HDAC8: variants seen among roughly 807,000 people sequenced by gnomAD.
HDAC8 encodes the protein histone deacetylase-like 1.
In HDAC8, 1 loss-of-function variant was observed where a neutral mutation model predicts 32.2. The observed-to-expected ratio is 0.03, with a 90% CI of 0.01 to 0.15. The LOEUF (loss-of-function observed/expected upper bound fraction) is 0.15. Ranked by LOEUF, HDAC8 falls within the 10% of genes least tolerant of loss-of-function variation. HDAC8 has a pLI of 1.00. For synonymous variants in HDAC8, 108 were observed against 113.9 expected (o/e 0.95, Z 0.33); for missense variants, 117 against 300.0 (o/e 0.39, Z 4.51).
chrX:72,429,791 G>A (rs2046760277), intron 9 of HDAC8, among the ~76,000 whole-genome samples: 1 of 111,975 alleles, frequency 8.9e-6, no homozygotes. Flanking sequence ...GGCAAAAGAG[G>A]CTTATCTAGC....
At chrX:72,473,671 C>A in intron 7 of HDAC8, 1 of 753,581 alleles carries the variant, frequency 1.3e-6, no homozygotes, top group Non-Finnish European at 1.6e-6. Context: ...TATCTGCTTC[C>A]ATGACTTACT....
chrX:72,350,377 G>T (rs782607552), intron 10 of HDAC8, among the ~76,000 whole-genome samples: 53 of 111,815 alleles, frequency 4.7e-4, no homozygotes, highest in African/African-American at 1.7e-3. Context: ...CATTTACTGG[G>T]CTCTGCTAGT....
chrX:72,569,057 C>A (rs947330286), intron 2 of HDAC8, among the ~76,000 whole-genome samples, 173 bp from the exon 3 acceptor site: 2 of 112,150 alleles, frequency 1.8e-5, no homozygotes, highest in Non-Finnish European at 3.8e-5. Flanking sequence ...GTCTTCACTG[C>A]CTCACATCTA....
At chrX:72,387,585 C>A (rs1009961125) in intron 9 of HDAC8, among the ~76,000 whole-genome samples, 2 of 111,640 alleles carry the variant, frequency 1.8e-5, no homozygotes, top group Non-Finnish European at 3.8e-5. Context: ...TGAATCCTAG[C>A]CCTGCCACTT....
intron 4 of HDAC8, among the ~76,000 whole-genome samples, chrX:72,542,231 G>A (rs1199466763): frequency 8.9e-6 from 1 of 112,240 alleles, no homozygotes; most frequent in African/African-American, 3.2e-5. Flanking sequence ...CTTTATCAGT[G>A]AGAATGGGTA....
intron 9 of HDAC8, among the ~76,000 whole-genome samples, chrX:72,457,979 G>A (rs2047764270): frequency 9.0e-6 from 1 of 111,066 alleles, no homozygotes; most frequent in Non-Finnish European, 1.9e-5. Flanking sequence ...CCTATGTGAT[G>A]ATACACATAT....
chrX:72,500,862 T>C (rs2049190315), intron 4 of HDAC8, among the ~76,000 whole-genome samples: 1 of 111,886 alleles, frequency 8.9e-6, no homozygotes, highest in Admixed American at 9.4e-5. Flanking sequence ...GTTCTATATC[T>C]AGAAAACCTC....
chrX:72,462,190 A>C, intron 8 of HDAC8, 92 bp from the exon 9 acceptor site: 1 of 687,815 alleles, frequency 1.5e-6, no homozygotes, highest in Non-Finnish European at 2.2e-6. Flanking sequence ...AAAATGTTTT[A>C]AGAAAAGACA....
intron 9 of HDAC8, among the ~76,000 whole-genome samples, chrX:72,416,408 G>GTTTTTTTTTGTTTTTTTTTTTTT (rs2046336403): frequency 2.7e-4 from 1 of 3,686 alleles, no homozygotes; most frequent in Non-Finnish European, 8.5e-4. Flanking sequence ...TGTCTTCTCT[G>GTTTTTTTTTGTTTTTTTTTTTTT]TTTTTTTTTT....
At chrX:72,502,934 T>A (rs999960623) in intron 4 of HDAC8, among the ~76,000 whole-genome samples, 6 of 111,125 alleles carry the variant, frequency 5.4e-5, no homozygotes, top group Non-Finnish European at 1.1e-4. Flanking sequence ...TCAAAAAAAA[T>A]AAATAAATAA....
intron 9 of HDAC8, among the ~76,000 whole-genome samples, chrX:72,355,453 T>C (rs1362838564): frequency 9.0e-6 from 1 of 111,650 alleles, no homozygotes; most frequent in Non-Finnish European, 1.9e-5. Flanking sequence ...TTCTTTTGCT[T>C]TCTGGGCTTC....
At chrX:72,560,674 T>A (rs1234576891) in intron 4 of HDAC8, among the ~76,000 whole-genome samples, 1 of 109,750 alleles carries the variant, frequency 9.1e-6, no homozygotes, top group Admixed American at 9.7e-5. Context: ...AATGATGTTA[T>A]CTATAGGTTC....
intron 7 of HDAC8, among the ~76,000 whole-genome samples, chrX:72,466,181 A>T (rs1467492052): frequency 9.0e-6 from 1 of 111,353 alleles, no homozygotes; most frequent in African/African-American, 3.3e-5. Context: ...AAAGGTTTCT[A>T]GCTTAAGGAG....
At chrX:72,443,437 T>G (rs1555983004) in intron 9 of HDAC8, among the ~76,000 whole-genome samples, 1 of 110,908 alleles carries the variant, frequency 9.0e-6, no homozygotes. Context: ...GAATGACTAC[T>G]GGGTACATAA....
rs782240246 is a variant in HDAC8 at position 72,438,299 on chromosome X, C to A, written c.1005+23705G>T. Among the ~76,000 whole-genome samples, 10 of 112,146 alleles carry A rather than the reference C, an allele frequency of 8.9e-5. No homozygotes were observed. The South Asian group carries it at 3.7e-3, about 42-fold the overall frequency. ...AACAAACAGAAAGGAATAGCACCAACACCAACAAAAAGGACGTCCACACAT... is the reference window on the plus strand; with the variant it reads ...AACAAACAGAAAGGAATAGCACCAAAACCAACAAAAAGGACGTCCACACAT... On this transcript the variant is annotated intron_variant, in intron 9 of 10. Transcript: ENST00000373573.
In HDAC8 at chrX:72,568,932, C is replaced by T. The variant is rs376368359; in HGVS notation, c.165-48G>A. On this transcript the variant is annotated intron_variant, in intron 2 of 10. Coordinates refer to ENST00000373573, the MANE Select transcript of HDAC8 (RefSeq NM_018486.3). ...AGAGAGGTCAGTGAGTCAGACCCAG[C>T]GTATGCCAGAAGCTAGAAACAGAAG... The T allele has an allele frequency of 3.1e-4, 362 of 1,149,463 alleles. 1 individual carries two copies. Among genetic ancestry groups the T allele is most frequent in the South Asian group, 5.0e-4 (25 of 50,080 alleles). 94.7% of individuals were successfully genotyped at this position (1,149,463 alleles called of 1,213,427 possible).
chrX:72,471,869 TTTC>T (rs1351191236), intron 7 of HDAC8, among the ~76,000 whole-genome samples: 2 of 111,290 alleles, frequency 1.8e-5, no homozygotes, highest in African/African-American at 3.3e-5. Context: ...AATTTATCTA[TTTC>T]TTCTTTTTTT....
chrX:72,364,549 C>T (rs1337496316), intron 9 of HDAC8, among the ~76,000 whole-genome samples: 1 of 111,771 alleles, frequency 8.9e-6, no homozygotes, highest in African/African-American at 3.2e-5. Flanking sequence ...TGCTCATCAT[C>T]TTTTTTTTGT....
At chrX:72,355,887 G>C (rs1452536555) in intron 9 of HDAC8, among the ~76,000 whole-genome samples, 1 of 112,053 alleles carries the variant, frequency 8.9e-6, no homozygotes, top group Non-Finnish European at 1.9e-5. Flanking sequence ...TATGTGCCCA[G>C]CTAGGTTAGT....
Sources: allele counts gnomAD v4.1 joint callset (sites outside exome capture counted in the v4.1 genomes callset), GRCh38; gene constraint gnomAD v4.1.1; transcripts MANE v1.5; gene names NCBI Gene and HGNC (gene_info 2026-07-23, HGNC 2026-07-21).